SREK1IP1: variants seen among roughly 807,000 people sequenced by gnomAD.
The protein encoded by SREK1IP1 is SREK1 interacting protein 1.
SREK1IP1 carries 12 observed loss-of-function variants against 22.8 expected under a neutral mutation model. The ratio of observed to expected loss-of-function variants is 0.53; its 90% CI spans 0.34 to 0.85. The LOEUF (loss-of-function observed/expected upper bound fraction) is 0.85. SREK1IP1 is among the 40% of genes least tolerant of loss of function. The probability of loss-of-function intolerance (pLI) is 0.02; values close to 1 mark genes in which losing one functional copy is unlikely to be tolerated. For synonymous variants in SREK1IP1, 53 were observed against 52.7 expected, an observed-to-expected ratio of 1.01 and a Z score of -0.02; for missense variants, 147 against 171.8, an observed-to-expected ratio of 0.86 and a Z score of 0.81.
intron 1 of SREK1IP1, among the ~76,000 whole-genome samples, chr5:64,761,162 G>A (rs1172414832): frequency 6.6e-6 from 1 of 152,106 alleles, no homozygotes; most frequent in Non-Finnish European, 1.5e-5. Context: ...GGCTTACTCT[G>A]AATCTAGTAT....
chr5:64,725,934 G>A (rs192664698), intron 4 of SREK1IP1, among the ~76,000 whole-genome samples: 35 of 145,032 alleles, frequency 2.4e-4, no homozygotes, highest in Non-Finnish European at 9.0e-5. Flanking sequence ...GCGTGATCTC[G>A]GCTCACTGCA....
intron 1 of SREK1IP1, among the ~76,000 whole-genome samples, chr5:64,758,098 G>A (rs547552067): frequency 6.6e-6 from 1 of 150,612 alleles, no homozygotes; most frequent in South Asian, 2.1e-4. Context: ...GGATGGTCTC[G>A]ATCTCCTGAC....
chr5:64,764,244 C>T (rs531762875), intron 1 of SREK1IP1, among the ~76,000 whole-genome samples: 3 of 152,250 alleles, frequency 2.0e-5, no homozygotes, highest in African/African-American at 7.2e-5. Context: ...GGAAGCGACA[C>T]TATACTAGTT....
intron 1 of SREK1IP1, 105 bp from the exon 2 acceptor site, chr5:64,754,467 CTTTT>C: frequency 8.6e-7 from 1 of 1,162,910 alleles, no homozygotes; most frequent in Admixed American, 2.2e-5. Context: ...TATAGAATTT[CTTTT>C]TTTTTGTTGT....
In SREK1IP1 at chr5:64,721,723, A is replaced by C. The variant is rs970641939; in HGVS notation, c.*2661T>G. 4 of 152,202 alleles carry C rather than the reference A, an allele frequency of 2.6e-5. No homozygotes were observed. Among genetic ancestry groups the C allele is most frequent in the Non-Finnish European group, 5.9e-5 (4 of 68,022 alleles). The allele number at this position is 152,202 out of a possible 1,614,324, so 9.4% of individuals were successfully genotyped here. A position where few individuals can be genotyped will look rare whatever the true frequency, so the allele number is the denominator to read the frequency against. ...TGAAAATGACATGCATTAGGTTGTA[A>C]GAATATGAACCAAATATCAATTATC... On this transcript the variant is annotated 3_prime_UTR_variant, in exon 5 of 5. Transcript: ENST00000513458.
In SREK1IP1 at chr5:64,738,044, G is replaced by C. The variant is rs1057470059; in HGVS notation, c.205+3013C>G. On this transcript the variant is annotated intron_variant, in intron 3 of 4. Transcript: ENST00000513458. ...TCCAAAGCACTTCTAAAGAACTGGAGAGAAGAGATCACTTCCAAACTTATT... is the reference window on the plus strand; with the variant it reads ...TCCAAAGCACTTCTAAAGAACTGGACAGAAGAGATCACTTCCAAACTTATT... Among the ~76,000 whole-genome samples, 16 of 152,266 alleles carry C rather than the reference G, an allele frequency of 1.1e-4. No homozygotes were observed. The East Asian group carries it at 2.9e-3, about 28-fold the overall frequency.
intron 3 of SREK1IP1, 141 bp from the exon 4 acceptor site, chr5:64,728,320 T>A: frequency 2.4e-6 from 2 of 823,036 alleles, no homozygotes; most frequent in Non-Finnish European, 3.2e-6. Flanking sequence ...TCCCCTTTCT[T>A]AATTATCTTT....
intron 1 of SREK1IP1, among the ~76,000 whole-genome samples, chr5:64,762,903 T>C (rs1742974770): frequency 6.6e-6 from 1 of 151,320 alleles, no homozygotes. Context: ...ATTCCAAAAA[T>C]TAGCCAGGCG....
At position 64,721,932 on chromosome 5, in the gene SREK1IP1, G is replaced by A. The variant is rs1274159547; in HGVS notation, c.*2452C>T. On this transcript the variant is annotated 3_prime_UTR_variant, in exon 5 of 5. Coordinates refer to ENST00000513458, the MANE Select transcript of SREK1IP1 (RefSeq NM_173829.4). ...ATATTTTATAGACGAAAGACACCAA[G>A]GCCCAGGGAAACTAAGTGACTTTGT... 1 of 152,078 alleles carries A rather than the reference G, an allele frequency of 6.6e-6. No individual in the cohort carries two copies. The highest frequency in any genetic ancestry group is 1.5e-5 in the Non-Finnish European group (1 of 68,024). 9.4% of individuals were successfully genotyped at this position (152,078 alleles called of 1,614,324 possible). A position where few individuals can be genotyped will look rare whatever the true frequency, so the allele number is the denominator to read the frequency against.
chr5:64,749,646 G>T (rs1039571653), intron 2 of SREK1IP1, among the ~76,000 whole-genome samples: 6 of 152,064 alleles, frequency 3.9e-5, no homozygotes, highest in Admixed American at 6.6e-5. Context: ...TCGCCATGTT[G>T]CCCAGGCTGG....
intron 3 of SREK1IP1, among the ~76,000 whole-genome samples, chr5:64,738,459 C>T (rs1427481019): frequency 6.6e-6 from 1 of 152,124 alleles, no homozygotes; most frequent in Non-Finnish European, 1.5e-5. Flanking sequence ...ATCCCAATGG[C>T]TCTTTTGACA....
chr5:64,747,503 C>A (rs1742659755), intron 2 of SREK1IP1, among the ~76,000 whole-genome samples: 1 of 149,786 alleles, frequency 6.7e-6, no homozygotes, highest in East Asian at 1.9e-4. Flanking sequence ...ACCAAATATA[C>A]ATTTCTTATG....
intron 2 of SREK1IP1, among the ~76,000 whole-genome samples, chr5:64,751,502 A>C (rs1396374229): frequency 6.6e-6 from 1 of 152,196 alleles, no homozygotes; most frequent in East Asian, 1.9e-4. Flanking sequence ...GGAAAAAAAT[A>C]ATCTAAAATA....
chr5:64,734,849 C>T (rs1179494841), intron 3 of SREK1IP1, among the ~76,000 whole-genome samples: 2 of 151,990 alleles, frequency 1.3e-5, no homozygotes, highest in Non-Finnish European at 2.9e-5. Context: ...ATGATCATTT[C>T]ATCTGCAAAA....
chr5:64,767,560 A>C (rs1743064276), intron 1 of SREK1IP1, among the ~76,000 whole-genome samples: 1 of 152,244 alleles, frequency 6.6e-6, no homozygotes, highest in African/African-American at 2.4e-5. Context: ...GGAGGTTCAA[A>C]AAGGCTGCCA....
chr5:64,751,569 GT>G (rs1320627454), intron 2 of SREK1IP1, among the ~76,000 whole-genome samples: 1 of 152,196 alleles, frequency 6.6e-6, no homozygotes, highest in African/African-American at 2.4e-5. Context: ...GGGCCAGAAT[GT>G]TCTTCACTGT....
chr5:64,766,289 C>A (rs1369629275), intron 1 of SREK1IP1, among the ~76,000 whole-genome samples: 1 of 152,206 alleles, frequency 6.6e-6, no homozygotes, highest in Admixed American at 6.5e-5. Flanking sequence ...CCCCTTAACC[C>A]CTGCCCCTTG....
In SREK1IP1 at chr5:64,754,108, T is replaced by C. The variant is rs1381088410; in HGVS notation, c.61+207A>G. On this transcript the variant is annotated intron_variant, in intron 2 of 4. Transcript: ENST00000513458. ...CATGCTACTTTTGGTAGTCATCAGA[T>C]ACATAGCTACCTGTTACTGGGTCTA... Among the ~76,000 whole-genome samples the C allele has an allele frequency of 2.0e-5, 3 of 152,266 alleles. No individual in the cohort carries two copies. In the East Asian group the frequency reaches 5.8e-4, roughly 29 times the overall value.
chr5:64,754,207 G>T, intron 2 of SREK1IP1, 108 bp downstream of exon 2: 1 of 998,800 alleles, frequency 1.0e-6, no homozygotes, highest in South Asian at 1.4e-5. Flanking sequence ...TAGGGCTAAA[G>T]GACTATGCAA....
Sources: allele counts gnomAD v4.1 joint callset (sites outside exome capture counted in the v4.1 genomes callset), GRCh38; gene constraint gnomAD v4.1.1; transcripts MANE v1.5; gene names NCBI Gene and HGNC (gene_info 2026-07-23, HGNC 2026-07-21).